The following HAPLN3 variants were observed in gnomAD, a reference collection of about 807,000 sequenced individuals.
HAPLN3 encodes the protein extracellular link domain containing, 1.
In HAPLN3, 28 loss-of-function variants were observed where a neutral mutation model predicts 28.1. That is an observed-to-expected ratio of 1.00 (90% CI 0.74 to 1.37). The LOEUF is 1.37. Among genes scored for constraint, HAPLN3 ranks in the 40% most tolerant of loss-of-function variants. The pLI, the probability that HAPLN3 is intolerant of heterozygous loss-of-function variation, is 0.00. For missense variants in HAPLN3, 513 were observed against 504.6 expected (o/e 1.02, Z -0.16); for synonymous variants, 211 against 213.1 (o/e 0.99, Z 0.09).
intron 4 of HAPLN3, among the ~76,000 whole-genome samples, chr15:88,878,475 C>T (rs569769116): frequency 2.5e-4 from 38 of 152,224 alleles, no homozygotes; most frequent in Non-Finnish European, 4.3e-4. Flanking sequence ...TGCACTCCCC[C>T]ACCACCCTTC....
chr15:88,887,319 C>T lies in HAPLN3; in HGVS notation c.-21G>A, dbSNP rs373396408. On this transcript the variant is annotated 5_prime_UTR_variant, in exon 2 of 5. Transcript: ENST00000359595. ...CCCATCTCCTCATGCCAGGGTGACC[C>T]GGGCCAGGCTGGGGCCCCAGGGCAA... 1.3e-5 allele frequency: 21 copies of T among 1,613,560 alleles called. No homozygotes were observed. In the East Asian group the frequency reaches 1.8e-4, roughly 14 times the overall value.
chr15:88,888,224 T>C lies in HAPLN3; in HGVS notation c.-47-879A>G, dbSNP rs1897919686. Among the ~76,000 whole-genome samples, 2 of 151,464 alleles carry C rather than the reference T, an allele frequency of 1.3e-5. No homozygotes were observed. Among genetic ancestry groups the C allele is most frequent in the East Asian group, 4.0e-4 (2 of 5,032 alleles). On this transcript the variant is annotated intron_variant, in intron 1 of 4. Transcript: ENST00000359595. The surrounding 1 kb of genome is among the most constrained non-coding windows in gnomAD (Gnocchi z 4.1). ...CTCCTGCCTCAGCCTCCCGAGTAGC[T>C]GGGACTACAGGTGCGTGCCACCAAG...
Position 88,878,077 on chromosome 15 carries a change from C to A in HAPLN3, c.976G>T (p.Val326Phe), listed in dbSNP as rs1596162303. 6.2e-7 allele frequency: 1 copy of A among 1,614,068 alleles called. No individual in the cohort carries two copies. Among genetic ancestry groups the A allele is most frequent in the East Asian group, 2.2e-5 (1 of 44,854 alleles). The change falls in exon 5 of 5, where the codon GTT (valine) becomes TTT (phenylalanine). Residue 326 changes from valine to phenylalanine, a missense_variant. Transcript: ENST00000359595. ...LADGSVRYPV[V>F]HPHPNCGPPE... ...GGCCCACAGTTAGGATGCGGGTGAA[C>A]CACAGGGTAGCGGACGCTACCATCT...
Position 88,878,243 on chromosome 15 carries a change from G to A in HAPLN3, c.810C>T (p.Tyr270=). 2 of 1,612,716 alleles carry A rather than the reference G, an allele frequency of 1.2e-6. No homozygotes were observed. The highest frequency in any genetic ancestry group is 1.7e-6 in the Non-Finnish European group (2 of 1,179,080). ...GCGTCAGCTTCTCAGGGTGCTCCAG[G>A]TAGTACACCCGCCCTGGGGGAAAGG... The part of the protein sequence containing the change: ...FATALKGRVY[Y]LEHPEKLTLT... Residue 270 remains tyrosine, a synonymous_variant, in exon 5 of 5, where the codon TAC becomes TAT. Coordinates refer to ENST00000359595, the MANE Select transcript of HAPLN3 (RefSeq NM_178232.4).
rs55782943 is a variant in HAPLN3 at position 88,880,791 on chromosome 15, A to T, written c.493+566T>A. Among the ~76,000 whole-genome samples the T allele has an allele frequency of 0.18, 28,064 of 151,998 alleles. 2,731 individuals carry two copies. The highest frequency in any genetic ancestry group is 0.23 in the East Asian group (1,176 of 5,162). On this transcript the variant is annotated intron_variant, in intron 3 of 4. Coordinates refer to ENST00000359595, the MANE Select transcript of HAPLN3 (RefSeq NM_178232.4). The surrounding 1 kb of genome is among the most constrained non-coding windows in gnomAD (Gnocchi z 6.0). ...AAAAGGAGGTTTTTACATAAAAATC[A>T]GGAGATCTCACATAAAAATATAAGC...
rs1897632657 is a variant in HAPLN3 at position 88,879,336 on chromosome 15, C to T, written c.494-67G>A. ...CCCAGCTGGCTGGACACCCCGCTCT[C>T]CTCCCACCTTCACTGGGACATGTGC... On this transcript the variant is annotated intron_variant, in intron 3 of 4. Transcript: ENST00000359595. This position sits in a 1 kb window ranked among gnomAD's most constrained non-coding sequence, Gnocchi z 5.0. 1 of 1,596,140 alleles carries T rather than the reference C, an allele frequency of 6.3e-7. No individual in the cohort carries two copies. The highest frequency in any genetic ancestry group is 8.5e-7 in the Non-Finnish European group (1 of 1,177,780).
At chr15:88,885,984 T>C (rs1350455486) in intron 2 of HAPLN3, among the ~76,000 whole-genome samples, 2 of 152,232 alleles carry the variant, frequency 1.3e-5, no homozygotes, top group East Asian at 3.9e-4. Context: ...TAATAGAATC[T>C]ACTTTCAGGC....
At chr15:88,878,940 A>G (rs770715100) in intron 4 of HAPLN3, 27 bp downstream of exon 4, 17 of 1,574,846 alleles carry the variant, frequency 1.1e-5, no homozygotes, top group Non-Finnish European at 1.5e-5. Flanking sequence ...CCAAACCCAC[A>G]GGCCCGCGCT....
chr15:88,879,639 A>G lies in HAPLN3; in HGVS notation c.494-370T>C. 3.2e-6 allele frequency: 4 copies of G among 1,239,542 alleles called. No individual in the cohort carries two copies. The highest frequency in any genetic ancestry group is 4.1e-6 in the Non-Finnish European group (4 of 971,414). 76.8% of individuals were successfully genotyped at this position (1,239,542 alleles called of 1,614,324 possible). A position where few individuals can be genotyped will look rare whatever the true frequency, so the allele number is the denominator to read the frequency against. On this transcript the variant is annotated intron_variant, in intron 3 of 4. Transcript: ENST00000359595. This position sits in a 1 kb window ranked among gnomAD's most constrained non-coding sequence, Gnocchi z 5.0. ...GGCCAGGTTTGACTCCCAGCTCCCC[A>G]CTCGTTAGCTGGGACCCGATCGTCT...
At chr15:88,886,885 T>TG (rs1008467126) in intron 2 of HAPLN3, among the ~76,000 whole-genome samples, 1 of 152,122 alleles carries the variant, frequency 6.6e-6, no homozygotes, top group Admixed American at 6.5e-5. Context: ...CCCTTTCCAC[T>TG]GGGGGGACCA....
chr15:88,880,482 T>C lies in HAPLN3; in HGVS notation c.493+875A>G. The C allele has an allele frequency of 7.9e-7, 1 of 1,260,108 alleles. No homozygotes were observed. Among genetic ancestry groups the C allele is most frequent in the African/African-American group, 1.5e-5 (1 of 65,202 alleles). The allele number at this position is 1,260,108 out of a possible 1,614,324, so 78.1% of individuals were successfully genotyped here. A position where few individuals can be genotyped will look rare whatever the true frequency, so the allele number is the denominator to read the frequency against. On this transcript the variant is annotated intron_variant, in intron 3 of 4. Transcript: ENST00000359595. The surrounding 1 kb of genome is among the most constrained non-coding windows in gnomAD (Gnocchi z 6.0). ...TTTACACCTGAGAGGCCCAGGGCTC[T>C]AAGGGGGATGAGGCATTTACCCACA...
intron 4 of HAPLN3, among the ~76,000 whole-genome samples, chr15:88,878,539 C>T (rs185813999): frequency 1.3e-5 from 2 of 152,310 alleles, no homozygotes; most frequent in East Asian, 3.9e-4. Flanking sequence ...GAGTCTCTTG[C>T]CCATTCGGTC....
intron 2 of HAPLN3, among the ~76,000 whole-genome samples, chr15:88,886,490 C>T (rs768895065): frequency 2.6e-5 from 4 of 152,030 alleles, no homozygotes; most frequent in Non-Finnish European, 5.9e-5. Flanking sequence ...TAAAACGTTC[C>T]CTGCCCAAGG....
At position 88,881,529 on chromosome 15, in the gene HAPLN3, C is replaced by T. The variant is rs1415412789; in HGVS notation, c.321G>A (p.Leu107=). The change falls in exon 3 of 5, where the codon CTG becomes CTA. Residue 107 remains leucine (L), a synonymous_variant. Transcript: ENST00000359595. This position sits in a 1 kb window ranked among gnomAD's most constrained non-coding sequence, Gnocchi z 6.0. The stretch of plus-strand genomic sequence containing the variant: ...GGTAGTCCCCAAAGGAGCGGTGCCT[C>T]AGCCCGATGGCCACCAGCACGTCCT... ...PEKDVLVAIG[L]RHRSFGDYQG... 6.2e-7 allele frequency: 1 copy of T among 1,614,016 alleles called. No homozygotes were observed. The highest frequency in any genetic ancestry group is 8.5e-7 in the Non-Finnish European group (1 of 1,180,052).
In HAPLN3 at chr15:88,880,271, A is replaced by G. The variant is rs1351198451; in HGVS notation, c.494-1002T>C. On this transcript the variant is annotated intron_variant, in intron 3 of 4. Transcript: ENST00000359595. This position sits in a 1 kb window ranked among gnomAD's most constrained non-coding sequence, Gnocchi z 6.0. Reference sequence around the variant, plus strand: ...TGCCCCTGCAGACCCCAGACCAATGACTCTTGCAGGTTCTCCCCAACTCCA... The same window carrying G: ...TGCCCCTGCAGACCCCAGACCAATGGCTCTTGCAGGTTCTCCCCAACTCCA... The G allele has an allele frequency of 2.9e-6, 3 of 1,042,536 alleles. No homozygotes were observed. The highest frequency in any genetic ancestry group is 2.3e-6 in the Non-Finnish European group (2 of 863,758). The allele number at this position is 1,042,536 out of a possible 1,614,324, so 64.6% of individuals were successfully genotyped here.
At chr15:88,882,565 AC>A (rs1025200983) in intron 2 of HAPLN3, among the ~76,000 whole-genome samples, 2 of 152,228 alleles carry the variant, frequency 1.3e-5, no homozygotes, top group African/African-American at 4.8e-5. Flanking sequence ...GCTCAGAGTT[AC>A]AAATACACAC....
At chr15:88,885,802 GCCTTGAACTCCTGA>G (rs968346353) in intron 2 of HAPLN3, among the ~76,000 whole-genome samples, 34 of 152,104 alleles carry the variant, frequency 2.2e-4, no homozygotes, top group Admixed American at 2.0e-3. Context: ...GGCCAGGCTG[GCCTTGAACTCCTGA>G]CCTCAAGTGA....
Position 88,881,456 on chromosome 15 carries a change from C to A in HAPLN3, c.394G>T (p.Glu132Ter), listed in dbSNP as rs1210966532. The A allele has an allele frequency of 1.9e-6, 3 of 1,613,968 alleles. No homozygotes were observed. In the African/African-American group the frequency reaches 4.0e-5, roughly 22 times the overall value. Reference sequence around the variant, plus strand: ...TCCTCCAGCCGCAGATCCTGGATCTCCAGCGAGACGTCATGCTCTTTGTCC... The same window carrying A: ...TCCTCCAGCCGCAGATCCTGGATCTACAGCGAGACGTCATGCTCTTTGTCC... ...RQDKEHDVSL[E>*]IQDLRLEDYG... is the part of the protein sequence containing the mutation. The change falls in exon 3 of 5, where the codon GAG becomes TAG. Residue 132 changes from glutamate (E) to a stop codon, truncating the protein, a stop_gained. Transcript: ENST00000359595. LOFTEE classifies it high-confidence loss of function. This position sits in a 1 kb window ranked among gnomAD's most constrained non-coding sequence, Gnocchi z 6.0.
intron 2 of HAPLN3, among the ~76,000 whole-genome samples, chr15:88,886,367 A>G (rs1897854712): frequency 6.7e-6 from 1 of 149,594 alleles, no homozygotes; most frequent in African/African-American, 2.5e-5. Flanking sequence ...AAAAAAAAAA[A>G]GGTATATTTT....
Sources: allele counts gnomAD v4.1 joint callset (sites outside exome capture counted in the v4.1 genomes callset), GRCh38; gene constraint gnomAD v4.1.1; non-coding constraint Gnocchi (gnomAD v3.1); transcripts MANE v1.5; gene names NCBI Gene and HGNC (gene_info 2026-07-23, HGNC 2026-07-21).